Variants in CAMK2A observed in about 807,000 individuals in gnomAD.
CAMK2A encodes the protein calcium/calmodulin-dependent protein kinase type II subunit alpha.
Under a neutral mutation model 79.2 loss-of-function variants are expected in CAMK2A, and 7 were observed. That is an observed-to-expected ratio of 0.09 (90% CI 0.05 to 0.17). The LOEUF is 0.17. Ranked by LOEUF, CAMK2A falls within the 10% of genes least tolerant of loss-of-function variation. The pLI, the probability that CAMK2A is intolerant of heterozygous loss-of-function variation, is 1.00. For synonymous variants in CAMK2A, 242 were observed against 251.7 expected, an observed-to-expected ratio of 0.96 and a Z score of 0.36; for missense variants, 214 against 646.4, an observed-to-expected ratio of 0.33 and a Z score of 7.25.
In CAMK2A at chr5:150,251,848, GAA is replaced by G; in HGVS notation, c.599-6_599-5del. 1 of 1,597,304 alleles carries G rather than the reference GAA, an allele frequency of 6.3e-7. No individual in the cohort carries two copies. The highest frequency in any genetic ancestry group is 8.5e-7 in the Non-Finnish European group (1 of 1,170,720). On this transcript the variant is annotated splice_polypyrimidine_tract_variant and splice_region_variant and intron_variant, in intron 8 of 18. Coordinates refer to ENST00000671881, the MANE Select transcript of CAMK2A (RefSeq NM_015981.4). ...AGCAGGATGTACAGGATGACCCCTGGAAAGAGGACCAGAGAACCTTCAACCCC... is the reference window on the plus strand; with the variant it reads ...AGCAGGATGTACAGGATGACCCCTGGAGAGGACCAGAGAACCTTCAACCCC...
intron 7 of CAMK2A, 106 bp downstream of exon 7, chr5:150,253,338 A>G: frequency 1.1e-6 from 1 of 894,324 alleles, no homozygotes; most frequent in Admixed American, 1.9e-5. Flanking sequence ...GGCTGGCCCA[A>G]CAGCATCTCC....
intron 1 of CAMK2A, among the ~76,000 whole-genome samples, chr5:150,275,477 G>A (rs1275296306): frequency 6.6e-6 from 1 of 152,160 alleles, no homozygotes; most frequent in Non-Finnish European, 1.5e-5. Flanking sequence ...GACCCCACAG[G>A]TTAAGGGCTA....
chr5:150,243,302 CA>C (rs1478157922), intron 13 of CAMK2A, among the ~76,000 whole-genome samples: 1 of 152,190 alleles, frequency 6.6e-6, no homozygotes, highest in Non-Finnish European at 1.5e-5. Flanking sequence ...TCTCTATCCC[CA>C]CATCCCCCAA....
chr5:150,242,030 A>G (rs1462290114), intron 13 of CAMK2A, among the ~76,000 whole-genome samples: 1 of 152,206 alleles, frequency 6.6e-6, no homozygotes, highest in Non-Finnish European at 1.5e-5. Context: ...GCACAGTGAC[A>G]GGATGGGACA....
chr5:150,264,206 A>G (rs537222685), intron 3 of CAMK2A, among the ~76,000 whole-genome samples: 55 of 152,312 alleles, frequency 3.6e-4, no homozygotes, highest in African/African-American at 1.3e-3. Context: ...ACCTTTTCAC[A>G]AGGTGCCCAA....
At chr5:150,275,990 C>A (rs1182422620) in intron 1 of CAMK2A, among the ~76,000 whole-genome samples, 1 of 152,134 alleles carries the variant, frequency 6.6e-6, no homozygotes, top group Non-Finnish European at 1.5e-5. Context: ...TTTCTGTGAC[C>A]AGCTCCCATA....
intron 1 of CAMK2A, among the ~76,000 whole-genome samples, chr5:150,287,423 C>T (rs1757469395): frequency 6.6e-6 from 1 of 152,172 alleles, no homozygotes. Flanking sequence ...ATTGATTAAA[C>T]AAGGCCTAGC....
intron 14 of CAMK2A, among the ~76,000 whole-genome samples, chr5:150,239,032 T>G (rs1755219694): frequency 2.0e-5 from 3 of 148,892 alleles, no homozygotes; most frequent in African/African-American, 7.5e-5. Context: ...CTCGAGGGGG[T>G]GAAGAAGGGG....
In CAMK2A at chr5:150,234,500, A is replaced by T. The variant is rs372688974; in HGVS notation, c.1067-3120T>A. Among the ~76,000 whole-genome samples, 46 of 152,338 alleles carry T rather than the reference A, an allele frequency of 3.0e-4. 3 individuals are homozygous for T. The South Asian group carries it at 3.5e-3, about 12-fold the overall frequency. ...TTGTTCTAAGGATTGAGTTAAGAATATGTCAATAGAAATAGCTAACATGTA... is the reference window on the plus strand; with the variant it reads ...TTGTTCTAAGGATTGAGTTAAGAATTTGTCAATAGAAATAGCTAACATGTA... On this transcript the variant is annotated intron_variant, in intron 15 of 18. Transcript: ENST00000671881.
In CAMK2A at chr5:150,250,218, C is replaced by A. The variant is rs1442503753; in HGVS notation, c.900+8G>T. ...TGGCCAGGACTGTGGAGGGTGAGGACCTGTTACCTTCAGTTTCCTCCTGGC... is the reference window on the plus strand; with the variant it reads ...TGGCCAGGACTGTGGAGGGTGAGGAACTGTTACCTTCAGTTTCCTCCTGGC... On this transcript the variant is annotated splice_region_variant and intron_variant, in intron 11 of 18. Transcript: ENST00000671881. 6.2e-7 allele frequency: 1 copy of A among 1,611,220 alleles called. No homozygotes were observed.
intron 2 of CAMK2A, among the ~76,000 whole-genome samples, chr5:150,270,311 T>C (rs1024049409): frequency 2.0e-5 from 3 of 152,234 alleles, no homozygotes; most frequent in Non-Finnish European, 4.4e-5. Context: ...TCGGCAGGGA[T>C]TAGAACAGGC....
chr5:150,276,704 G>A (rs558670282), intron 1 of CAMK2A, among the ~76,000 whole-genome samples: 3 of 152,222 alleles, frequency 2.0e-5, no homozygotes, highest in Admixed American at 6.5e-5. Flanking sequence ...GCTCCAGGGT[G>A]CAGGAGCTGG....
chr5:150,252,237 A>T (rs1451109556), intron 7 of CAMK2A, among the ~76,000 whole-genome samples, 172 bp from the exon 8 acceptor site: 1 of 152,164 alleles, frequency 6.6e-6, no homozygotes, highest in South Asian at 2.1e-4. Flanking sequence ...TCGGCCCAAG[A>T]CATAAGCCTG....
At chr5:150,271,825 T>C (rs538226485) in intron 2 of CAMK2A, among the ~76,000 whole-genome samples, 8 of 152,212 alleles carry the variant, frequency 5.3e-5, no homozygotes, top group African/African-American at 1.7e-4. Context: ...TTTCCAAATT[T>C]TAACGTCCAC....
At chr5:150,245,755 C>T (rs1005328396) in intron 12 of CAMK2A, among the ~76,000 whole-genome samples, 1 of 152,254 alleles carries the variant, frequency 6.6e-6, no homozygotes, top group Non-Finnish European at 1.5e-5. Context: ...CTGCCTCTCT[C>T]CTCAGGCCAT....
At chr5:150,247,679 C>A in intron 12 of CAMK2A, 93 bp downstream of exon 12, 1 of 988,824 alleles carries the variant, frequency 1.0e-6, no homozygotes, top group Non-Finnish European at 1.6e-6. Flanking sequence ...TCCCCAGGCC[C>A]AGTGGCCTGG....
intron 1 of CAMK2A, among the ~76,000 whole-genome samples, chr5:150,280,427 A>C (rs1230215019): frequency 1.3e-5 from 2 of 152,066 alleles, no homozygotes; most frequent in Non-Finnish European, 2.9e-5. Context: ...CAAATAAAAC[A>C]AAACAACCGA....
chr5:150,238,495 C>T (rs1755186982), intron 15 of CAMK2A: 2 of 654,050 alleles, frequency 3.1e-6, no homozygotes, highest in Admixed American at 2.5e-5. Flanking sequence ...AACCTATCTA[C>T]ACACCAGCAG....
intron 13 of CAMK2A, among the ~76,000 whole-genome samples, chr5:150,242,134 A>G (rs1755374103): frequency 6.6e-6 from 1 of 152,206 alleles, no homozygotes; most frequent in African/African-American, 2.4e-5. Flanking sequence ...CTAGAAGTCC[A>G]GGCCTGGGGT....
Sources: gnomAD v4.1 joint callset for allele counts (sites outside exome capture counted in the v4.1 genomes callset) on GRCh38, gnomAD v4.1.1 for gene constraint, MANE v1.5 for transcripts, NCBI Gene and HGNC (gene_info 2026-07-23, HGNC 2026-07-21) for gene names.